TCF4: variants seen among roughly 807,000 people sequenced by gnomAD.
TCF4 encodes the protein SL3-3 enhancer factor 2.
A neutral mutation model predicts 82.1 loss-of-function variants in TCF4; 3 were observed. That is an observed-to-expected ratio of 0.04 (90% CI 0.02 to 0.09). The LOEUF (loss-of-function observed/expected upper bound fraction) is 0.09. Among genes scored for constraint, TCF4 ranks in the 10% least tolerant of loss-of-function variants. The pLI is 1.00. For missense variants in TCF4, 518 were observed against 852.7 expected (o/e 0.61, Z 4.89); for synonymous variants, 276 against 309.6 (o/e 0.89, Z 1.14).
At chr18:55,421,966 T>A (rs765792361) in intron 5 of TCF4, among the ~76,000 whole-genome samples, 4 of 152,102 alleles carry the variant, frequency 2.6e-5, no homozygotes, top group Non-Finnish European at 2.9e-5. Context: ...GGTTTCCATT[T>A]TGATTGCAGA....
intron 3 of TCF4, among the ~76,000 whole-genome samples, chr18:55,488,166 G>T (rs2096537356): frequency 6.6e-6 from 1 of 152,142 alleles, no homozygotes; most frequent in East Asian, 1.9e-4. Context: ...TTGTGGTCAT[G>T]AAAATCCTTA....
At chr18:55,394,284 A>G (rs921353176) in intron 6 of TCF4, among the ~76,000 whole-genome samples, 8 of 152,222 alleles carry the variant, frequency 5.3e-5, no homozygotes, top group Non-Finnish European at 1.0e-4. Context: ...CCCCATGTAC[A>G]GAACTCTAGA....
chr18:55,349,398 A>G (rs1400552392), intron 8 of TCF4, among the ~76,000 whole-genome samples: 1 of 152,158 alleles, frequency 6.6e-6, no homozygotes, highest in Non-Finnish European at 1.5e-5. Context: ...ATGAAATGAA[A>G]CTAATATGCA....
chr18:55,375,376 T>C (rs973057666), intron 6 of TCF4, among the ~76,000 whole-genome samples: 2 of 152,058 alleles, frequency 1.3e-5, no homozygotes, highest in African/African-American at 4.8e-5. Context: ...ACACATTCAT[T>C]TTAAGAAGTG....
intron 8 of TCF4, among the ~76,000 whole-genome samples, chr18:55,315,118 G>A (rs143259591): frequency 6.6e-6 from 1 of 152,216 alleles, no homozygotes; most frequent in Non-Finnish European, 1.5e-5. Context: ...GTCCCTGGAG[G>A]ATGCCAGCCA....
At chr18:55,418,003 ATGTGTG>A (rs201657057) in intron 5 of TCF4, among the ~76,000 whole-genome samples, 27,084 of 143,290 alleles carry the variant, frequency 0.19, 2,593 homozygotes, top group East Asian at 0.44. Context: ...TCTTGAGCAA[ATGTGTG>A]TGTGTGTGTG....
chr18:55,321,047 T>C (rs2075358247), intron 8 of TCF4, among the ~76,000 whole-genome samples: 1 of 152,222 alleles, frequency 6.6e-6, no homozygotes, highest in Non-Finnish European at 1.5e-5. Flanking sequence ...GTTATATGCA[T>C]GAATGAACCC....
At chr18:55,380,943 C>T (rs1168660945) in intron 6 of TCF4, among the ~76,000 whole-genome samples, 1 of 152,166 alleles carries the variant, frequency 6.6e-6, no homozygotes, top group African/African-American at 2.4e-5. Context: ...CTAGAGGATA[C>T]TTTCCAATCA....
At chr18:55,544,879 T>C (rs1246148996) in intron 3 of TCF4, among the ~76,000 whole-genome samples, 1 of 152,150 alleles carries the variant, frequency 6.6e-6, no homozygotes, top group African/African-American at 2.4e-5. Flanking sequence ...AGGAGTTTCT[T>C]TGATAACATG....
rs9957004 is a variant in TCF4, at chr18:55,586,418, G to A, written c.72+627C>T. On this transcript the variant is annotated intron_variant, in intron 2 of 19. Coordinates refer to ENST00000354452, the MANE Select transcript of TCF4 (RefSeq NM_001083962.2). ...GGATGGAGAAGGACCAAGTACAGCCGTAAAACTCCACAAGTGTGTCAAGTT... is the reference window on the plus strand; with the variant it reads ...GGATGGAGAAGGACCAAGTACAGCCATAAAACTCCACAAGTGTGTCAAGTT... Among the ~76,000 whole-genome samples the A allele has an allele frequency of 6.0e-3, 915 of 152,292 alleles. 13 individuals are homozygous for A. The highest frequency in any genetic ancestry group is 0.021 in the African/African-American group (879 of 41,556).
intron 6 of TCF4, among the ~76,000 whole-genome samples, chr18:55,376,961 G>A (rs1163951764): frequency 2.6e-5 from 4 of 152,102 alleles, no homozygotes; most frequent in Non-Finnish European, 5.9e-5. Flanking sequence ...TCTCATTAAC[G>A]TGGCCAGTAG....
intron 2 of TCF4, among the ~76,000 whole-genome samples, chr18:55,615,404 C>A (rs1355542351): frequency 6.6e-6 from 1 of 151,914 alleles, no homozygotes; most frequent in African/African-American, 2.4e-5. Context: ...CTGAACCTGG[C>A]TAAACTCAAA....
chr18:55,567,758 A>G (rs2097422607), intron 3 of TCF4, among the ~76,000 whole-genome samples: 1 of 152,206 alleles, frequency 6.6e-6, no homozygotes, highest in Non-Finnish European at 1.5e-5. Flanking sequence ...TTCTGGACAC[A>G]TATAGATCCC....
At chr18:55,509,407 T>C (rs1212611005) in intron 3 of TCF4, among the ~76,000 whole-genome samples, 1 of 151,970 alleles carries the variant, frequency 6.6e-6, no homozygotes, top group African/African-American at 2.4e-5. Flanking sequence ...GTAGTATCGC[T>C]ACTTGTTTTT....
intron 4 of TCF4, 143 bp downstream of exon 4, chr18:55,463,933 T>G (rs1459446913): frequency 3.5e-6 from 3 of 845,398 alleles, no homozygotes; most frequent in Non-Finnish European, 6.2e-6. Flanking sequence ...TGTGTGCGTG[T>G]GCATGCCCAT....
At chr18:55,300,997 G>A (rs569324523) in intron 8 of TCF4, among the ~76,000 whole-genome samples, 14 of 152,238 alleles carry the variant, frequency 9.2e-5, no homozygotes, top group African/African-American at 3.4e-4. Flanking sequence ...CAGGCCCAGA[G>A]CAGGGAATGA....
Position 55,275,679 on chromosome 18 carries a change from G to C in TCF4, c.729C>G (p.Gly243=). The change falls in exon 10 of 20, where the codon GGC becomes GGG. Residue 243 remains glycine, a synonymous_variant. Transcript: ENST00000354452. ...MNQPGYAGML[G]NSSHIPQSSS... is the part of the protein sequence containing the mutation. ...TGGACTGTGGAATATGAGAAGAGTT[G>C]CCCAACATTCCTGCATAGCCAGGCT... 1 of 1,613,904 alleles carries C rather than the reference G, an allele frequency of 6.2e-7. No homozygotes were observed. The highest frequency in any genetic ancestry group is 1.1e-5 in the South Asian group (1 of 91,076).
intron 5 of TCF4, among the ~76,000 whole-genome samples, chr18:55,407,792 T>A (rs1459284167): frequency 6.6e-6 from 1 of 152,212 alleles, no homozygotes; most frequent in Non-Finnish European, 1.5e-5. Flanking sequence ...AAATTGAATA[T>A]TTTTATATTC....
At chr18:55,274,334 A>C (rs1395058748) in intron 10 of TCF4, among the ~76,000 whole-genome samples, 1 of 152,188 alleles carries the variant, frequency 6.6e-6, no homozygotes, top group Non-Finnish European at 1.5e-5. Context: ...TTACACATTC[A>C]ATCTTGGGAG....
Sources: allele counts gnomAD v4.1 joint callset (sites outside exome capture counted in the v4.1 genomes callset), GRCh38; gene constraint gnomAD v4.1.1; transcripts MANE v1.5; gene names NCBI Gene and HGNC (gene_info 2026-07-23, HGNC 2026-07-21).